Variants in RXFP2 observed in about 807,000 individuals in gnomAD.
RXFP2 encodes relaxin family peptide receptor 2.
RXFP2 carries 68 observed loss-of-function variants against 88.6 expected under a neutral mutation model. The observed-to-expected ratio is 0.77, with a 90% CI of 0.63 to 0.94. The LOEUF (loss-of-function observed/expected upper bound fraction) is 0.94. Among genes scored for constraint, RXFP2 ranks in the 40% least tolerant of loss-of-function variants. RXFP2 has a pLI of 0.00. For missense variants in RXFP2, 791 were observed against 893.9 expected, an observed-to-expected ratio of 0.88 and a Z score of 1.47; for synonymous variants, 329 against 306.8, an observed-to-expected ratio of 1.07 and a Z score of -0.76.
In RXFP2 at chr13:31,802,480, A is replaced by G. The variant is rs1172806142; in HGVS notation, c.*75A>G. Reference sequence around the variant, plus strand: ...CAGCTTTTGGAAGATGACATCTGCAATGCTTTTCATCTTTACCAACGGCAA... The same window carrying G: ...CAGCTTTTGGAAGATGACATCTGCAGTGCTTTTCATCTTTACCAACGGCAA... On this transcript the variant is annotated 3_prime_UTR_variant, in exon 18 of 18. Coordinates refer to ENST00000298386, the MANE Select transcript of RXFP2 (RefSeq NM_130806.5). 6.8e-7 allele frequency: 1 copy of G among 1,472,232 alleles called. No homozygotes were observed. The highest frequency in any genetic ancestry group is 9.4e-7 in the Non-Finnish European group (1 of 1,058,954). 91.2% of individuals were successfully genotyped at this position (1,472,232 alleles called of 1,614,324 possible).
intron 7 of RXFP2, among the ~76,000 whole-genome samples, chr13:31,776,101 C>CTTTCTTTCTTTCT (rs1418426279): frequency 3.5e-5 from 2 of 57,398 alleles, no homozygotes; most frequent in African/African-American, 1.6e-4. Flanking sequence ...TCTTTCTTTT[C>CTTTCTTTCTTTCT]TTTTCTTTCT....
chr13:31,801,019 A>G (rs1201255914), intron 17 of RXFP2, among the ~76,000 whole-genome samples: 3 of 152,110 alleles, frequency 2.0e-5, no homozygotes, highest in South Asian at 2.1e-4. Context: ...AGAAGAAGGA[A>G]GGTCAGATAA....
chr13:31,798,394 G>T (rs1197493741), intron 17 of RXFP2, among the ~76,000 whole-genome samples: 1 of 152,202 alleles, frequency 6.6e-6, no homozygotes, highest in South Asian at 2.1e-4. Flanking sequence ...AATTAGGAAG[G>T]AGATCAGGTC....
At chr13:31,760,511 C>A (rs1290423184) in intron 2 of RXFP2, among the ~76,000 whole-genome samples, 1 of 152,194 alleles carries the variant, frequency 6.6e-6, no homozygotes, top group African/African-American at 2.4e-5. Flanking sequence ...GTTTTGGGGG[C>A]AACTGTCTGG....
chr13:31,782,541 A>C (rs1358132957), intron 10 of RXFP2, 135 bp from the exon 11 acceptor site: 2 of 714,902 alleles, frequency 2.8e-6, no homozygotes, highest in Non-Finnish European at 5.1e-6. Context: ...CTTAGTTTCC[A>C]CTCCAAAAGA....
chr13:31,756,792 T>C (rs1273099696), intron 1 of RXFP2, among the ~76,000 whole-genome samples: 2 of 152,096 alleles, frequency 1.3e-5, no homozygotes, highest in East Asian at 3.9e-4. Context: ...GACTAATTTT[T>C]GTATTTTTAG....
chr13:31,777,603 A>G (rs1408343022), intron 8 of RXFP2, among the ~76,000 whole-genome samples, 156 bp downstream of exon 8: 1 of 152,196 alleles, frequency 6.6e-6, no homozygotes, highest in Non-Finnish European at 1.5e-5. Context: ...TGTTAATATA[A>G]TACTTCCTGG....
intron 1 of RXFP2, among the ~76,000 whole-genome samples, chr13:31,752,954 A>G (rs9548957): frequency 0.26 from 38,865 of 152,100 alleles, 5,000 homozygotes; most frequent in Middle Eastern, 0.37. Flanking sequence ...GCTCTTTGGA[A>G]CAGATGGCAA....
intron 11 of RXFP2, among the ~76,000 whole-genome samples, chr13:31,785,357 A>T (rs928615079): frequency 1.1e-4 from 16 of 152,096 alleles, no homozygotes; most frequent in African/African-American, 3.1e-4. Flanking sequence ...CTGACTCCTG[A>T]AAGTGTCACT....
intron 1 of RXFP2, among the ~76,000 whole-genome samples, chr13:31,743,030 G>A (rs923214422): frequency 3.9e-5 from 6 of 152,072 alleles, no homozygotes; most frequent in Non-Finnish European, 7.4e-5. Flanking sequence ...TTACTCACCC[G>A]TACTTCCAGG....
intron 1 of RXFP2, among the ~76,000 whole-genome samples, chr13:31,746,752 C>T (rs1489620104): frequency 1.1e-5 from 1 of 91,648 alleles, no homozygotes; most frequent in Non-Finnish European, 2.2e-5. Context: ...TGTTTCAACC[C>T]CACAGGCTAA....
At chr13:31,743,362 G>A (rs1871286082) in intron 1 of RXFP2, among the ~76,000 whole-genome samples, 1 of 151,958 alleles carries the variant, frequency 6.6e-6, no homozygotes, top group African/African-American at 2.4e-5. Context: ...CAGCTACTCG[G>A]GAGGCTGAGG....
chr13:31,771,909 C>T (rs1593458838), intron 5 of RXFP2, among the ~76,000 whole-genome samples: 1 of 151,914 alleles, frequency 6.6e-6, no homozygotes, highest in East Asian at 1.9e-4. Context: ...GTCTGGAATG[C>T]TCTAAATATT....
chr13:31,746,192 G>A (rs1021012350), intron 1 of RXFP2, among the ~76,000 whole-genome samples: 7 of 152,334 alleles, frequency 4.6e-5, no homozygotes, highest in Non-Finnish European at 1.0e-4. Context: ...TTAGGAAGCA[G>A]CCCAGGTGAT....
chr13:31,752,657 T>C (rs1451505190), intron 1 of RXFP2, among the ~76,000 whole-genome samples: 4 of 151,980 alleles, frequency 2.6e-5, no homozygotes, highest in Non-Finnish European at 5.9e-5. Flanking sequence ...AAACAACAAA[T>C]CATCTATCCA....
chr13:31,770,088 A>G (rs553355299), intron 5 of RXFP2, among the ~76,000 whole-genome samples: 1 of 152,318 alleles, frequency 6.6e-6, no homozygotes, highest in South Asian at 2.1e-4. Flanking sequence ...TAGACATGTA[A>G]CAATGTTTAT....
In RXFP2 at chr13:31,791,939, T is replaced by G. The variant is rs757767855; in HGVS notation, c.1279T>G (p.Phe427Val). Residue 427 changes from phenylalanine to valine, a missense_variant, in exon 15 of 18, where the codon TTC becomes GTC. Transcript: ENST00000298386. The part of the protein sequence containing the change: ...ILRIFVWVIA[F>V]ITCFGNLFVI... ...CAGAATATTTGTCTGGGTTATAGCTTTCATTACCTGCTTTGGAAATCTTTT... is the reference window on the plus strand; with the variant it reads ...CAGAATATTTGTCTGGGTTATAGCTGTCATTACCTGCTTTGGAAATCTTTT... The G allele has an allele frequency of 6.2e-7, 1 of 1,614,194 alleles. No homozygotes were observed. Among genetic ancestry groups the G allele is most frequent in the Non-Finnish European group, 8.5e-7 (1 of 1,180,004 alleles).
At chr13:31,778,072 C>T (rs1170631615) in intron 8 of RXFP2, among the ~76,000 whole-genome samples, 3 of 152,096 alleles carry the variant, frequency 2.0e-5, no homozygotes, top group African/African-American at 4.8e-5. Flanking sequence ...CCCCAAATTC[C>T]CCCTACTGTC....
intron 1 of RXFP2, among the ~76,000 whole-genome samples, chr13:31,753,595 C>T (rs1325366195): frequency 6.6e-6 from 1 of 152,126 alleles, no homozygotes; most frequent in Non-Finnish European, 1.5e-5. Context: ...GAATAGACCA[C>T]AGAATACACT....
Sources: allele counts gnomAD v4.1 joint callset (sites outside exome capture counted in the v4.1 genomes callset), GRCh38; gene constraint gnomAD v4.1.1; transcripts MANE v1.5; gene names NCBI Gene and HGNC (gene_info 2026-07-23, HGNC 2026-07-21).